PRKG1: variants seen among roughly 807,000 people sequenced by gnomAD.
PRKG1 encodes protein kinase cGMP-dependent 1.
Under a neutral mutation model 88.1 loss-of-function variants are expected in PRKG1, and 35 were observed. That is an observed-to-expected ratio of 0.40 (90% confidence interval 0.30 to 0.53). The LOEUF (loss-of-function observed/expected upper bound fraction) is 0.53. Among genes scored for constraint, PRKG1 ranks in the 20% least tolerant of loss-of-function variants. PRKG1 has a pLI of 0.59. For synonymous variants in PRKG1, 303 were observed against 292.5 expected, an observed-to-expected ratio of 1.04 and a Z score of -0.37; for missense variants, 540 against 839.8, an observed-to-expected ratio of 0.64 and a Z score of 4.41.
chr10:51,880,828 A>G (rs1490158633), intron 4 of PRKG1, among the ~76,000 whole-genome samples: 1 of 152,218 alleles, frequency 6.6e-6, no homozygotes, highest in Non-Finnish European at 1.5e-5. Context: ...CTATCGGTTC[A>G]TCAATTCAAG....
intron 4 of PRKG1, among the ~76,000 whole-genome samples, chr10:51,860,235 C>T (rs1840836566): frequency 6.6e-6 from 1 of 152,166 alleles, no homozygotes; most frequent in Non-Finnish European, 1.5e-5. Context: ...AAACAACCCT[C>T]AAAGTTTGTG....
intron 5 of PRKG1, among the ~76,000 whole-genome samples, chr10:51,934,674 CGTCT>C (rs1842766146): frequency 6.6e-6 from 1 of 152,104 alleles, no homozygotes; most frequent in Non-Finnish European, 1.5e-5. Context: ...TTTTCCCTAC[CGTCT>C]GTCTGTGACG....
chr10:52,210,785 C>T (rs1209402951), intron 9 of PRKG1, among the ~76,000 whole-genome samples: 1 of 152,156 alleles, frequency 6.6e-6, no homozygotes, highest in Non-Finnish European at 1.5e-5. Flanking sequence ...GTATCAAGTA[C>T]CTTCTGAGTT....
intron 3 of PRKG1, among the ~76,000 whole-genome samples, chr10:51,718,073 G>A (rs891157534): frequency 1.3e-5 from 2 of 152,098 alleles, no homozygotes; most frequent in Non-Finnish European, 2.9e-5. Context: ...GCTAGGTGTT[G>A]TGAAATGAAG....
intron 3 of PRKG1, among the ~76,000 whole-genome samples, chr10:51,675,185 A>G (rs1368459815): frequency 6.6e-6 from 1 of 152,234 alleles, no homozygotes; most frequent in Non-Finnish European, 1.5e-5. Context: ...CATATGAAAT[A>G]TAACACTGAC....
chr10:51,090,470 T>C (rs1844372921), intron 1 of PRKG1, among the ~76,000 whole-genome samples: 1 of 152,116 alleles, frequency 6.6e-6, no homozygotes, highest in East Asian at 1.9e-4. Context: ...AAGTGTGAAG[T>C]TCCATAATAA....
intron 5 of PRKG1, among the ~76,000 whole-genome samples, chr10:51,924,252 T>C (rs150648925): frequency 5.9e-5 from 9 of 152,330 alleles, no homozygotes; most frequent in East Asian, 5.8e-4. Flanking sequence ...CCTCAATATT[T>C]ATCTAAGAAA....
intron 3 of PRKG1, among the ~76,000 whole-genome samples, chr10:51,708,775 G>A (rs7913556): frequency 0.17 from 26,194 of 152,104 alleles, 4,078 homozygotes; most frequent in African/African-American, 0.42. Context: ...TAGTCAGCTG[G>A]AGCAGGAGGA....
intron 3 of PRKG1, among the ~76,000 whole-genome samples, chr10:51,689,849 A>G (rs182173217): frequency 2.0e-5 from 3 of 152,360 alleles, no homozygotes; most frequent in Admixed American, 2.0e-4. Context: ...TCAATTAAAT[A>G]AAACTAGGCC....
At chr10:51,305,392 G>A (rs759023003) in intron 2 of PRKG1, among the ~76,000 whole-genome samples, 1 of 152,014 alleles carries the variant, frequency 6.6e-6, no homozygotes, top group African/African-American at 2.4e-5. Context: ...CTTTTTGTTG[G>A]CTTCCTGCAC....
intron 2 of PRKG1, among the ~76,000 whole-genome samples, chr10:51,306,135 C>A (rs182898924): frequency 6.6e-6 from 1 of 152,198 alleles, no homozygotes; most frequent in Non-Finnish European, 1.5e-5. Flanking sequence ...CTCACAGTAA[C>A]AGAACCTGGA....
intron 2 of PRKG1, among the ~76,000 whole-genome samples, chr10:51,405,795 TG>T (rs530180424): frequency 5.9e-5 from 9 of 152,252 alleles, no homozygotes; most frequent in South Asian, 4.1e-4. Flanking sequence ...AGAATGGATG[TG>T]GAAACCACGT....
intron 1 of PRKG1, among the ~76,000 whole-genome samples, chr10:51,016,938 A>T (rs999596033): frequency 6.6e-6 from 1 of 151,384 alleles, no homozygotes; most frequent in Admixed American, 6.6e-5. Context: ...AAGTGCTGGG[A>T]TTACATGTGT....
intron 4 of PRKG1, among the ~76,000 whole-genome samples, chr10:51,896,378 A>T (rs1451331685): frequency 1.3e-5 from 2 of 151,730 alleles, no homozygotes; most frequent in East Asian, 3.9e-4. Flanking sequence ...GTTTGCCACA[A>T]CTCTATGCAG....
intron 3 of PRKG1, among the ~76,000 whole-genome samples, chr10:51,490,854 C>A (rs919336280): frequency 2.6e-5 from 4 of 151,974 alleles, no homozygotes; most frequent in African/African-American, 9.7e-5. Flanking sequence ...TTAGAAACCT[C>A]ATTTCTGGGA....
chr10:51,157,733 A>G (rs906220394), intron 2 of PRKG1, among the ~76,000 whole-genome samples: 8 of 152,010 alleles, frequency 5.3e-5, no homozygotes, highest in Admixed American at 1.3e-4. Flanking sequence ...AATTTTTAAA[A>G]TGGCAAGTGT....
chr10:51,110,705 G>T (rs1414399800), intron 1 of PRKG1, among the ~76,000 whole-genome samples: 3 of 151,880 alleles, frequency 2.0e-5, no homozygotes, highest in Non-Finnish European at 4.4e-5. Flanking sequence ...ACAAAATTTT[G>T]TATATTTTAT....
intron 2 of PRKG1, among the ~76,000 whole-genome samples, chr10:51,441,249 T>TTAG (rs1278976878): frequency 3.9e-5 from 6 of 152,116 alleles, no homozygotes; most frequent in Non-Finnish European, 4.4e-5. Context: ...AATTTTATGT[T>TTAG]TAGTCAGTTT....
intron 3 of PRKG1, among the ~76,000 whole-genome samples, chr10:51,515,189 A>T (rs190892753): frequency 6.6e-6 from 1 of 152,256 alleles, no homozygotes; most frequent in Non-Finnish European, 1.5e-5. Flanking sequence ...TAAAGTATTT[A>T]GGTTACATTA....
Sources: gnomAD v4.1 joint callset for allele counts (sites outside exome capture counted in the v4.1 genomes callset) on GRCh38, gnomAD v4.1.1 for gene constraint, MANE v1.5 for transcripts, NCBI Gene and HGNC (gene_info 2026-07-23, HGNC 2026-07-21) for gene names.